CSNK2A2: variants seen among roughly 807,000 people sequenced by gnomAD.
The protein encoded by CSNK2A2 is casein kinase II subunit alpha'.
CSNK2A2 carries 8 observed loss-of-function variants against 54.0 expected under a neutral mutation model. The observed-to-expected ratio is 0.15, with a 90% confidence interval of 0.09 to 0.27. CSNK2A2 has a LOEUF of 0.27. Among genes scored for constraint, CSNK2A2 ranks in the 10% least tolerant of loss-of-function variants. The probability of loss-of-function intolerance (pLI) is 1.00; values close to 1 mark genes in which losing one functional copy is unlikely to be tolerated. For synonymous variants in CSNK2A2, 141 were observed against 153.9 expected (o/e 0.92, Z 0.62); for missense variants, 242 against 439.4 (o/e 0.55, Z 4.02).
chr16:58,165,848 G>A lies in CSNK2A2; in HGVS notation c.828-140C>T, dbSNP rs2242443. On this transcript the variant is annotated intron_variant, in intron 9 of 11. Coordinates refer to ENST00000262506, the MANE Select transcript of CSNK2A2 (RefSeq NM_001896.4). ...AATCTCTAACTGGTGCCTGCCCTAC[G>A]GCCCCATAGTTACAGCATAGCATCC... 4.3e-5 allele frequency: 35 copies of A among 816,658 alleles called. No individual in the cohort carries two copies. In the South Asian group the frequency reaches 6.4e-4, roughly 15 times the overall value. 50.6% of individuals were successfully genotyped at this position (816,658 alleles called of 1,614,324 possible).
At chr16:58,186,534 A>C (rs1962197740) in intron 3 of CSNK2A2, among the ~76,000 whole-genome samples, 1 of 152,232 alleles carries the variant, frequency 6.6e-6, no homozygotes, top group African/African-American at 2.4e-5. Flanking sequence ...ACAAACCCAG[A>C]AAAGGGATTT....
intron 2 of CSNK2A2, among the ~76,000 whole-genome samples, chr16:58,195,787 A>G (rs915778183): frequency 2.0e-5 from 3 of 152,330 alleles, no homozygotes; most frequent in African/African-American, 7.2e-5. Flanking sequence ...TATCAAATTC[A>G]TTGCTAAACC....
At chr16:58,179,027 G>C (rs181538176) in intron 4 of CSNK2A2, among the ~76,000 whole-genome samples, 66 of 152,236 alleles carry the variant, frequency 4.3e-4, no homozygotes, top group Non-Finnish European at 7.1e-4. Flanking sequence ...AAACTTTTGA[G>C]TATGAACTTA....
intron 9 of CSNK2A2, among the ~76,000 whole-genome samples, chr16:58,166,004 C>T (rs1201344841): frequency 6.6e-6 from 1 of 152,162 alleles, no homozygotes; most frequent in Non-Finnish European, 1.5e-5. Context: ...GGGTGGCATG[C>T]AGAAGAGTGG....
intron 6 of CSNK2A2, 62 bp from the exon 7 acceptor site, chr16:58,167,857 C>T: frequency 8.2e-7 from 1 of 1,216,644 alleles, no homozygotes; most frequent in Non-Finnish European, 1.2e-6. Flanking sequence ...TGCCTTAGAA[C>T]AAGGCCACAT....
intron 2 of CSNK2A2, among the ~76,000 whole-genome samples, chr16:58,189,840 T>G (rs1423730464): frequency 1.3e-5 from 2 of 152,148 alleles, no homozygotes; most frequent in Non-Finnish European, 2.9e-5. Context: ...TACAGGTAGA[T>G]CCCTTCAGCC....
intron 11 of CSNK2A2, chr16:58,159,062 AAAGG>A (rs1961240399): frequency 6.6e-6 from 1 of 152,306 alleles, no homozygotes; most frequent in African/African-American, 2.4e-5. Context: ...TTCTTTGGGT[AAAGG>A]AAGGGTTCCA....
chr16:58,185,257 T>A (rs917557426), intron 3 of CSNK2A2, among the ~76,000 whole-genome samples: 8 of 151,516 alleles, frequency 5.3e-5, no homozygotes, highest in African/African-American at 1.5e-4. Flanking sequence ...CAACTCAGAG[T>A]CCAAACAGCA....
rs369963542 is a variant in CSNK2A2 at position 58,164,059 on chromosome 16, G to A, written c.*12C>T. The A allele has an allele frequency of 1.4e-5, 22 of 1,610,952 alleles. No homozygotes were observed. Among genetic ancestry groups the A allele is most frequent in the Admixed American group, 6.7e-5 (4 of 59,782 alleles). ...AAGCATCAATGCCGCATTACCCGTC[G>A]CTTTCCAGTCTTCATCGTGCTGCCG... On this transcript the variant is annotated 3_prime_UTR_variant, in exon 11 of 12. Transcript: ENST00000262506.
intron 4 of CSNK2A2, among the ~76,000 whole-genome samples, chr16:58,179,745 G>A (rs1028380914): frequency 6.6e-6 from 1 of 152,036 alleles, no homozygotes; most frequent in African/African-American, 2.4e-5. Flanking sequence ...GTAAAATGAC[G>A]CTTAGGGTTG....
intron 11 of CSNK2A2, chr16:58,160,083 C>T (rs1961288404): frequency 6.6e-6 from 1 of 152,186 alleles, no homozygotes. Context: ...ATCCACATAG[C>T]TCAGAAGCAT....
chr16:58,167,330 A>G, intron 7 of CSNK2A2, 22 bp from the exon 8 acceptor site: 1 of 1,555,468 alleles, frequency 6.4e-7, no homozygotes, highest in Non-Finnish European at 8.8e-7. Flanking sequence ...AGGACAACGC[A>G]TTAGCCAAGG....
In CSNK2A2 at chr16:58,166,436, C is replaced by T. The variant is rs551763333; in HGVS notation, c.827+148G>A. On this transcript the variant is annotated intron_variant, in intron 9 of 11. Coordinates refer to ENST00000262506, the MANE Select transcript of CSNK2A2 (RefSeq NM_001896.4). Reference sequence around the variant, plus strand: ...TAAAAGACATAAAGTCCAAATATCTCAATAAGTTAAAAGAAAATATGCATA... The same window carrying T: ...TAAAAGACATAAAGTCCAAATATCTTAATAAGTTAAAAGAAAATATGCATA... 3.6e-5 allele frequency: 19 copies of T among 526,212 alleles called. No homozygotes were observed. In the East Asian group the frequency reaches 4.3e-4, roughly 12 times the overall value. 32.6% of individuals were successfully genotyped at this position (526,212 alleles called of 1,614,324 possible).
At chr16:58,166,515 GA>G (rs1351253222) in intron 9 of CSNK2A2, 68 bp downstream of exon 9, 1 of 1,025,098 alleles carries the variant, frequency 9.8e-7, no homozygotes, top group East Asian at 2.4e-5. Context: ...AAAAGAAAGT[GA>G]TTTTGGCTAA....
intron 2 of CSNK2A2, 73 bp from the exon 3 acceptor site, chr16:58,186,929 G>A: frequency 8.3e-7 from 1 of 1,210,462 alleles, no homozygotes. Flanking sequence ...AACAATGTTA[G>A]CCAATCAGAT....
At chr16:58,194,061 CA>C (rs1333821795) in intron 2 of CSNK2A2, among the ~76,000 whole-genome samples, 1 of 152,192 alleles carries the variant, frequency 6.6e-6, no homozygotes, top group African/African-American at 2.4e-5. Flanking sequence ...ACATATATTG[CA>C]AAGAACTGAT....
intron 5 of CSNK2A2, among the ~76,000 whole-genome samples, chr16:58,170,674 G>A (rs371457302): frequency 6.6e-6 from 1 of 152,088 alleles, no homozygotes. Context: ...AGCTTTGCTG[G>A]TGGGTGTAAA....
intron 2 of CSNK2A2, among the ~76,000 whole-genome samples, chr16:58,195,188 A>G (rs1597127754): frequency 1.3e-5 from 2 of 152,216 alleles, no homozygotes; most frequent in South Asian, 4.1e-4. Flanking sequence ...TTAAAAAAAA[A>G]AAAAACCACC....
In CSNK2A2 at chr16:58,164,064, CCA is replaced by C. The variant is rs1343299363; in HGVS notation, c.*5_*6del. ...TCAATGCCGCATTACCCGTCGCTTT[CCA>C]GTCTTCATCGTGCTGCCGTGAGACC... On this transcript the variant is annotated 3_prime_UTR_variant, in exon 11 of 12. Coordinates refer to ENST00000262506, the MANE Select transcript of CSNK2A2 (RefSeq NM_001896.4). The C allele has an allele frequency of 6.2e-7, 1 of 1,612,272 alleles. No individual in the cohort carries two copies. Among genetic ancestry groups the C allele is most frequent in the Non-Finnish European group, 8.5e-7 (1 of 1,178,782 alleles).
Sources: allele counts gnomAD v4.1 joint callset (sites outside exome capture counted in the v4.1 genomes callset), GRCh38; gene constraint gnomAD v4.1.1; transcripts MANE v1.5; gene names NCBI Gene and HGNC (gene_info 2026-07-23, HGNC 2026-07-21).